PCDH9: variants seen among roughly 807,000 people sequenced by gnomAD.
The protein encoded by PCDH9 is protocadherin-9.
Under a neutral mutation model 70.6 loss-of-function variants are expected in PCDH9, and 24 were observed. The observed-to-expected ratio is 0.34, with a 90% CI of 0.25 to 0.48. PCDH9 has a LOEUF of 0.48. Among genes scored for constraint, PCDH9 ranks in the 20% least tolerant of loss-of-function variants. The pLI is 0.99. For missense variants in PCDH9, 1,281 were observed against 1,503.6 expected, an observed-to-expected ratio of 0.85 and a Z score of 2.45; for synonymous variants, 562 against 558.5, an observed-to-expected ratio of 1.01 and a Z score of -0.09.
At chr13:67,083,096 TGGATAAGATTAAATAAAATAACC>T (rs1302826485) in intron 2 of PCDH9, among the ~76,000 whole-genome samples, 2 of 152,240 alleles carry the variant, frequency 1.3e-5, no homozygotes, top group African/African-American at 4.8e-5. Context: ...TTCTTCTAAC[TGGATAAGATTAAATAAAATAACC>T]GTATAAAAAG....
rs535551527 is a variant in PCDH9, at chr13:66,712,512, T to A, written c.3139-81101A>T. The stretch of plus-strand genomic sequence containing the variant: ...TTCTTATAATAGGCATGAGAAAATT[T>A]AAAAAAAACTAAAACATGTAAATAC... On this transcript the variant is annotated intron_variant, in intron 3 of 4. Coordinates refer to ENST00000377865, the MANE Select transcript of PCDH9 (RefSeq NM_203487.3). 5.9e-5 allele frequency among the ~76,000 whole-genome samples: 9 copies of A among 152,018 alleles called. No homozygotes were observed. The South Asian group carries it at 8.3e-4, about 14-fold the overall frequency.
chr13:66,400,622 A>G (rs1429658940), intron 4 of PCDH9, among the ~76,000 whole-genome samples: 1 of 152,226 alleles, frequency 6.6e-6, no homozygotes, highest in Non-Finnish European at 1.5e-5. Flanking sequence ...AAGAAAACTC[A>G]TAGGCTATCT....
Position 66,612,198 on chromosome 13 carries a change from G to A in PCDH9, c.3340+19012C>T, listed in dbSNP as rs117007235. Among the ~76,000 whole-genome samples, 638 of 152,248 alleles carry A rather than the reference G, an allele frequency of 4.2e-3. 20 individuals carry two copies. In the East Asian group the frequency reaches 0.08, roughly 19 times the overall value. Reference sequence around the variant, plus strand: ...AGGAAATATGTGAAAGTCAATGAATGCATAAGGAATCTTAAAATGTGATGT... The same window carrying A: ...AGGAAATATGTGAAAGTCAATGAATACATAAGGAATCTTAAAATGTGATGT... On this transcript the variant is annotated intron_variant, in intron 4 of 4. Transcript: ENST00000377865.
At position 66,761,134 on chromosome 13, in the gene PCDH9, C is replaced by T. The variant is rs558506805; in HGVS notation, c.3139-129723G>A. On this transcript the variant is annotated intron_variant, in intron 3 of 4. Coordinates refer to ENST00000377865, the MANE Select transcript of PCDH9 (RefSeq NM_203487.3). Reference sequence around the variant, plus strand: ...GCATGTGATCTCTGCGACCCACACCCTATTCGTACACTCCCTCCCCTTTGA... The same window carrying T: ...GCATGTGATCTCTGCGACCCACACCTTATTCGTACACTCCCTCCCCTTTGA... Among the ~76,000 whole-genome samples the T allele has an allele frequency of 2.6e-5, 4 of 151,552 alleles. No individual in the cohort carries two copies. In the South Asian group the frequency reaches 8.4e-4, roughly 32 times the overall value.
chr13:66,625,850 AAC>A (rs1407994026), intron 4 of PCDH9, among the ~76,000 whole-genome samples: 2 of 151,614 alleles, frequency 1.3e-5, no homozygotes, highest in African/African-American at 2.4e-5. Context: ...TTTTAGTAGA[AAC>A]AGGGTTTCAC....
At chr13:66,883,971 T>C (rs575560444) in intron 3 of PCDH9, among the ~76,000 whole-genome samples, 1 of 151,072 alleles carries the variant, frequency 6.6e-6, no homozygotes, top group Non-Finnish European at 1.5e-5. Flanking sequence ...GGCACGATCT[T>C]GGCTCACTGA....
intron 3 of PCDH9, among the ~76,000 whole-genome samples, chr13:66,821,731 A>G (rs544840472): frequency 2.0e-5 from 3 of 152,308 alleles, no homozygotes; most frequent in African/African-American, 7.2e-5. Context: ...ATACGAAATC[A>G]TTATTCTTAT....
chr13:66,756,769 C>A (rs145270761), intron 3 of PCDH9, among the ~76,000 whole-genome samples: 1 of 152,212 alleles, frequency 6.6e-6, no homozygotes, highest in East Asian at 1.9e-4. Context: ...GGGATTGCTG[C>A]TCATCTAAGG....
intron 2 of PCDH9, among the ~76,000 whole-genome samples, chr13:67,013,723 C>CA (rs144210770): frequency 0.29 from 30,444 of 105,832 alleles, 3,271 homozygotes; most frequent in Non-Finnish European, 0.34. Context: ...TGATGGATAA[C>CA]AAAAAAAAAT....
chr13:67,181,846 T>C (rs1008487152), intron 2 of PCDH9, among the ~76,000 whole-genome samples: 2 of 152,234 alleles, frequency 1.3e-5, no homozygotes, highest in Admixed American at 6.5e-5. Context: ...CAATGGTTTA[T>C]TCTCTGTCTT....
intron 3 of PCDH9, among the ~76,000 whole-genome samples, chr13:66,878,206 T>C (rs950483716): frequency 6.6e-6 from 1 of 151,564 alleles, no homozygotes; most frequent in Admixed American, 6.6e-5. Flanking sequence ...TTTTTTATTA[T>C]TATTATTTTA....
At chr13:67,058,551 T>A (rs1221938019) in intron 2 of PCDH9, among the ~76,000 whole-genome samples, 6 of 152,172 alleles carry the variant, frequency 3.9e-5, no homozygotes, top group Admixed American at 1.3e-4. Flanking sequence ...AACTTATAAC[T>A]ACACATACTT....
intron 4 of PCDH9, among the ~76,000 whole-genome samples, chr13:66,568,077 A>C (rs1039213442): frequency 6.6e-6 from 1 of 152,118 alleles, no homozygotes; most frequent in Admixed American, 6.5e-5. Context: ...GTGGTTGGAG[A>C]TAAGACGTGT....
chr13:66,764,011 C>A (rs1310097486), intron 3 of PCDH9, among the ~76,000 whole-genome samples: 1 of 151,848 alleles, frequency 6.6e-6, no homozygotes, highest in African/African-American at 2.4e-5. Context: ...GTTGGCCAGG[C>A]TCGTTTGAAA....
At chr13:66,917,749 C>A (rs1235589950) in intron 2 of PCDH9, among the ~76,000 whole-genome samples, 1 of 151,306 alleles carries the variant, frequency 6.6e-6, no homozygotes, top group Non-Finnish European at 1.5e-5. Flanking sequence ...AGTAATAATG[C>A]TCCTTATTAA....
chr13:66,746,142 T>A (rs1301043747), intron 3 of PCDH9, among the ~76,000 whole-genome samples: 3 of 152,224 alleles, frequency 2.0e-5, no homozygotes, highest in African/African-American at 7.2e-5. Flanking sequence ...CACTTATCTA[T>A]TTTTTGATAA....
chr13:66,581,230 A>C (rs768914259), intron 4 of PCDH9, among the ~76,000 whole-genome samples: 23 of 152,154 alleles, frequency 1.5e-4, no homozygotes, highest in Non-Finnish European at 3.4e-4. Context: ...TACTACAACA[A>C]ATTTTAAAAA....
At chr13:66,582,822 G>A (rs1302610685) in intron 4 of PCDH9, among the ~76,000 whole-genome samples, 2 of 152,112 alleles carry the variant, frequency 1.3e-5, no homozygotes, top group African/African-American at 4.8e-5. Flanking sequence ...GTACTATGAA[G>A]TCCAGTGTCT....
chr13:66,832,307 G>C (rs139080196), intron 3 of PCDH9, among the ~76,000 whole-genome samples: 22 of 152,094 alleles, frequency 1.4e-4, no homozygotes, highest in South Asian at 4.2e-4. Flanking sequence ...AACTGAAACA[G>C]AATTAGAATA....
Sources: allele counts gnomAD v4.1 joint callset (sites outside exome capture counted in the v4.1 genomes callset), GRCh38; gene constraint gnomAD v4.1.1; transcripts MANE v1.5; gene names NCBI Gene and HGNC (gene_info 2026-07-23, HGNC 2026-07-21).